RSRC1: variants seen among roughly 807,000 people sequenced by gnomAD.
The protein encoded by RSRC1 is arginine and serine rich coiled-coil 1, also known as serine/Arginine-related protein 53.
A neutral mutation model predicts 49.1 loss-of-function variants in RSRC1; 39 were observed. The ratio of observed to expected loss-of-function variants is 0.79; its 90% CI spans 0.61 to 1.04. The LOEUF (loss-of-function observed/expected upper bound fraction) is 1.04. Ranked by LOEUF, RSRC1 falls within the 50% of genes least tolerant of loss-of-function variation. The pLI is 0.00. For synonymous variants in RSRC1, 143 were observed against 130.8 expected, an observed-to-expected ratio of 1.09 and a Z score of -0.63; for missense variants, 388 against 402.4, an observed-to-expected ratio of 0.96 and a Z score of 0.31.
In RSRC1 at chr3:158,337,419, A is replaced by T. The variant is rs149694495; in HGVS notation, c.532-17438A>T. On this transcript the variant is annotated intron_variant, in intron 5 of 9. Coordinates refer to ENST00000611884, the MANE Select transcript of RSRC1 (RefSeq NM_001271838.2). ...AGTAACAGGACAGGGAGAACTGCCA[A>T]TCCGAGAGCTGCTCTGAAATGCTGT... Among the ~76,000 whole-genome samples the T allele has an allele frequency of 4.6e-3, 702 of 152,296 alleles. 4 individuals carry two copies. The highest frequency in any genetic ancestry group is 7.3e-3 in the Non-Finnish European group (495 of 68,014).
At chr3:158,499,921 G>C (rs151104314) in intron 7 of RSRC1, among the ~76,000 whole-genome samples, 8 of 152,238 alleles carry the variant, frequency 5.3e-5, no homozygotes, top group Non-Finnish European at 1.0e-4. Context: ...AGTGGTGAGA[G>C]TGGGCATCCT....
chr3:158,220,871 A>G (rs1348921102), intron 4 of RSRC1, among the ~76,000 whole-genome samples: 1 of 151,550 alleles, frequency 6.6e-6, no homozygotes, highest in Non-Finnish European at 1.5e-5. Context: ...TAATCACCTA[A>G]ACATGGATTC....
chr3:158,288,733 T>C (rs1262598477), intron 4 of RSRC1, among the ~76,000 whole-genome samples: 1 of 152,104 alleles, frequency 6.6e-6, no homozygotes, highest in Non-Finnish European at 1.5e-5. Flanking sequence ...TAATACCTAT[T>C]ACAACTTAAA....
intron 4 of RSRC1, among the ~76,000 whole-genome samples, chr3:158,251,701 A>T (rs1724216010): frequency 6.6e-6 from 1 of 152,128 alleles, no homozygotes; most frequent in Non-Finnish European, 1.5e-5. Context: ...TTCATCAGTT[A>T]TTATAGTTTT....
intron 3 of RSRC1, among the ~76,000 whole-genome samples, chr3:158,173,829 T>C (rs968530791): frequency 6.6e-6 from 1 of 151,930 alleles, no homozygotes; most frequent in African/African-American, 2.4e-5. Flanking sequence ...TGAAAAATTA[T>C]GAGAAGTGAA....
intron 6 of RSRC1, among the ~76,000 whole-genome samples, chr3:158,444,463 G>A (rs1165379607): frequency 6.6e-6 from 1 of 152,002 alleles, no homozygotes; most frequent in Non-Finnish European, 1.5e-5. Flanking sequence ...ATATATAGAA[G>A]GCTGAAACTG....
chr3:158,405,506 T>C (rs961722928), intron 6 of RSRC1, among the ~76,000 whole-genome samples: 9 of 152,136 alleles, frequency 5.9e-5, no homozygotes, highest in African/African-American at 2.2e-4. Context: ...ATTTTTGGCA[T>C]GCAGTTTCTC....
At chr3:158,394,353 G>A (rs1733491452) in intron 6 of RSRC1, among the ~76,000 whole-genome samples, 1 of 152,098 alleles carries the variant, frequency 6.6e-6, no homozygotes, top group Non-Finnish European at 1.5e-5. Flanking sequence ...AGGAAAAGAG[G>A]AAGTCAAACT....
intron 4 of RSRC1, among the ~76,000 whole-genome samples, chr3:158,254,754 G>A (rs1238636854): frequency 8.5e-5 from 13 of 152,068 alleles, no homozygotes; most frequent in East Asian, 5.8e-4. Context: ...TTTAATGATC[G>A]CCATTCTAAC....
chr3:158,229,087 TA>T lies in RSRC1; in HGVS notation c.494+25845del, dbSNP rs1164504782. On this transcript the variant is annotated intron_variant, in intron 4 of 9. Coordinates refer to ENST00000611884, the MANE Select transcript of RSRC1 (RefSeq NM_001271838.2). Reference sequence around the variant, plus strand: ...GTATAAACACGTGTATATGTGTGTATAAACACACATACGTGTATATGTGTAT... The same window carrying T: ...GTATAAACACGTGTATATGTGTGTATAACACACATACGTGTATATGTGTAT... Among the ~76,000 whole-genome samples the T allele has an allele frequency of 2.0e-5, 2 of 100,444 alleles. 1 individual carries two copies. The highest frequency in any genetic ancestry group is 4.4e-5 in the Non-Finnish European group (2 of 44,980). 65.9% of individuals were successfully genotyped at this position (100,444 alleles called of 152,430 possible). A position where few individuals can be genotyped will look rare whatever the true frequency, so the allele number is the denominator to read the frequency against.
At chr3:158,195,466 GT>G (rs1720541251) in intron 3 of RSRC1, among the ~76,000 whole-genome samples, 1 of 151,846 alleles carries the variant, frequency 6.6e-6, no homozygotes, top group Non-Finnish European at 1.5e-5. Context: ...CACTCTGATG[GT>G]AGTTTCTTTT....
chr3:158,293,410 A>ATGGGAAACCTTTTTT (rs1260581862), intron 4 of RSRC1, among the ~76,000 whole-genome samples: 1 of 152,030 alleles, frequency 6.6e-6, no homozygotes, highest in Non-Finnish European at 1.5e-5. Flanking sequence ...GCCTGGTTTT[A>ATGGGAAACCTTTTTT]TGGGAAACCT....
intron 3 of RSRC1, among the ~76,000 whole-genome samples, chr3:158,189,845 T>C (rs1282584201): frequency 6.6e-6 from 1 of 151,974 alleles, no homozygotes; most frequent in Admixed American, 6.6e-5. Context: ...CTAATTTTAT[T>C]TCATTTTCTT....
intron 6 of RSRC1, among the ~76,000 whole-genome samples, chr3:158,440,772 C>T (rs934880142): frequency 2.0e-5 from 3 of 151,850 alleles, no homozygotes; most frequent in Non-Finnish European, 4.4e-5. Context: ...GGTGAAACCC[C>T]ATCTCTAATA....
chr3:158,361,643 T>C (rs748744293), intron 6 of RSRC1, among the ~76,000 whole-genome samples: 7 of 152,240 alleles, frequency 4.6e-5, no homozygotes, highest in African/African-American at 1.7e-4. Flanking sequence ...ATCAGTGTTA[T>C]GTTTCTATGC....
At chr3:158,346,823 T>A (rs1730577592) in intron 5 of RSRC1, among the ~76,000 whole-genome samples, 1 of 152,250 alleles carries the variant, frequency 6.6e-6, no homozygotes, top group Non-Finnish European at 1.5e-5. Context: ...TACCTGAATC[T>A]TAGCACCTTT....
chr3:158,145,231 C>G (rs1717011361), intron 3 of RSRC1, among the ~76,000 whole-genome samples: 1 of 152,100 alleles, frequency 6.6e-6, no homozygotes, highest in Non-Finnish European at 1.5e-5. Context: ...AATGGTATTG[C>G]CTAGGTTTTC....
intron 7 of RSRC1, among the ~76,000 whole-genome samples, chr3:158,524,386 C>G (rs1443715009): frequency 6.6e-6 from 1 of 151,970 alleles, no homozygotes; most frequent in Non-Finnish European, 1.5e-5. Context: ...CTTCTTAAAA[C>G]GATTTGTAAG....
intron 6 of RSRC1, among the ~76,000 whole-genome samples, chr3:158,448,042 G>GTAA (rs1459983646): frequency 1.3e-5 from 2 of 151,592 alleles, no homozygotes; most frequent in Non-Finnish European, 3.0e-5. Context: ...TTTTCACAAG[G>GTAA]AATAATTCTG....
Sources: allele counts gnomAD v4.1 joint callset (sites outside exome capture counted in the v4.1 genomes callset), GRCh38; gene constraint gnomAD v4.1.1; transcripts MANE v1.5; gene names NCBI Gene and HGNC (gene_info 2026-07-23, HGNC 2026-07-21).